CHD1: variants seen among roughly 807,000 people sequenced by gnomAD.
CHD1 encodes chromodomain helicase DNA binding protein 1.
CHD1 carries 36 observed loss-of-function variants against 224.2 expected under a neutral mutation model. The observed-to-expected ratio is 0.16, with a 90% CI of 0.12 to 0.21. The LOEUF (loss-of-function observed/expected upper bound fraction) is 0.21. Among genes scored for constraint, CHD1 ranks in the 10% least tolerant of loss-of-function variants. CHD1 has a pLI of 1.00. For missense variants in CHD1, 1,378 were observed against 1,994.8 expected (o/e 0.69, Z 5.89); for synonymous variants, 668 against 658.3 (o/e 1.01, Z -0.23).
At chr5:98,922,948 C>T (rs375796822) in intron 2 of CHD1, among the ~76,000 whole-genome samples, 3 of 151,996 alleles carry the variant, frequency 2.0e-5, no homozygotes, top group African/African-American at 4.8e-5. Flanking sequence ...GAGGTCATAC[C>T]GCTGCACTGC....
At chr5:98,897,155 C>G in intron 11 of CHD1, 38 bp downstream of exon 11, 1 of 1,588,656 alleles carries the variant, frequency 6.3e-7, no homozygotes, top group Non-Finnish European at 8.6e-7. Flanking sequence ...TAAATTCTTA[C>G]TCTGTCAAAT....
intron 32 of CHD1, among the ~76,000 whole-genome samples, chr5:98,861,501 G>A (rs1748463092): frequency 6.6e-6 from 1 of 152,106 alleles, no homozygotes; most frequent in Non-Finnish European, 1.5e-5. Context: ...AATGCCAACT[G>A]TTCTGTAATT....
chr5:98,886,090 G>T (rs545756163), intron 17 of CHD1: 1 of 154,590 alleles, frequency 6.5e-6, no homozygotes, highest in Admixed American at 6.5e-5. Context: ...TAAGTCCAGC[G>T]TGGTTACTAG....
intron 31 of CHD1, among the ~76,000 whole-genome samples, chr5:98,865,523 T>C (rs1255947175): frequency 6.6e-6 from 1 of 152,226 alleles, no homozygotes; most frequent in Admixed American, 6.5e-5. Context: ...ATCTATTTTA[T>C]AGAAGAAACT....
At chr5:98,908,318 T>C (rs1752177458) in intron 2 of CHD1, among the ~76,000 whole-genome samples, 1 of 152,162 alleles carries the variant, frequency 6.6e-6, no homozygotes, top group Non-Finnish European at 1.5e-5. Context: ...CTGCCAACTC[T>C]ATCCCAACCC....
At chr5:98,928,219 G>A (rs955502398) in intron 1 of CHD1, among the ~76,000 whole-genome samples, 2 of 151,748 alleles carry the variant, frequency 1.3e-5, no homozygotes, top group Non-Finnish European at 2.9e-5. Context: ...GGGAGCCCGG[G>A]TCGCGGCAGG....
rs1753461682 is a variant in CHD1 at position 98,926,432 on chromosome 5, C to T, written c.-46G>A. ...TTTTAAAGTAAAATATAAATCTTCCCAGTTTAAAAGATGAATATAAATACT... is the reference window on the plus strand; with the variant it reads ...TTTTAAAGTAAAATATAAATCTTCCTAGTTTAAAAGATGAATATAAATACT... On this transcript the variant is annotated 5_prime_UTR_variant, in exon 2 of 36. Coordinates refer to ENST00000614616, the MANE Select transcript of CHD1 (RefSeq NM_001270.4). 9.3e-7 allele frequency: 1 copy of T among 1,080,636 alleles called. No homozygotes were observed. The highest frequency in any genetic ancestry group is 1.3e-6 in the Non-Finnish European group (1 of 760,698). 66.9% of individuals were successfully genotyped at this position (1,080,636 alleles called of 1,614,324 possible). A position where few individuals can be genotyped will look rare whatever the true frequency, so the allele number is the denominator to read the frequency against.
chr5:98,872,521 G>A lies in CHD1; in HGVS notation c.3606C>T (p.Phe1202=). The A allele has an allele frequency of 6.2e-7, 1 of 1,613,398 alleles. No individual in the cohort carries two copies. ...GRLGKVKGPT[F]RISGVQVNAK... ...CATTCACCTGTACTCCTGATATTCGGAATGTTGGACCCTTCACTTTTCCGA... is the reference window on the plus strand; with the variant it reads ...CATTCACCTGTACTCCTGATATTCGAAATGTTGGACCCTTCACTTTTCCGA... The change falls in exon 27 of 36, where the codon TTC becomes TTT. Residue 1202 remains phenylalanine, a synonymous_variant. Transcript: ENST00000614616.
rs1751946955 is a variant in CHD1 at position 98,904,854 on chromosome 5, T to C, written c.255+43A>G. On this transcript the variant is annotated intron_variant, in intron 3 of 35. Coordinates refer to ENST00000614616, the MANE Select transcript of CHD1 (RefSeq NM_001270.4). ...ACCAATCCTCTAAATTTTCCCAAAG[T>C]AATACAAGCAATCTACCTTTCATTG... 4 of 1,573,044 alleles carry C rather than the reference T, an allele frequency of 2.5e-6. No individual in the cohort carries two copies. In the South Asian group the frequency reaches 4.4e-5, roughly 17 times the overall value.
In CHD1 at chr5:98,869,937, T is replaced by G; in HGVS notation, c.3979-55A>C. ...TTCTACAGATTTCATTTTTAAAAACTTCATAAACATTAAATCCAAGGGCTA... is the reference window on the plus strand; with the variant it reads ...TTCTACAGATTTCATTTTTAAAAACGTCATAAACATTAAATCCAAGGGCTA... On this transcript the variant is annotated intron_variant, in intron 29 of 35. Transcript: ENST00000614616. 3 of 1,337,346 alleles carry G rather than the reference T, an allele frequency of 2.2e-6. 1 individual carries two copies. In the South Asian group the frequency reaches 3.8e-5, roughly 17 times the overall value. 82.8% of individuals were successfully genotyped at this position (1,337,346 alleles called of 1,614,324 possible).
intron 15 of CHD1, 31 bp from the exon 16 acceptor site, chr5:98,889,269 T>C (rs1308629648): frequency 1.4e-6 from 2 of 1,472,652 alleles, no homozygotes; most frequent in Non-Finnish European, 1.8e-6. Flanking sequence ...AAACGATGTT[T>C]AGCAGAACAA....
At chr5:98,865,152 T>C (rs372904073) in intron 31 of CHD1, among the ~76,000 whole-genome samples, 12 of 152,212 alleles carry the variant, frequency 7.9e-5, no homozygotes, top group South Asian at 6.2e-4. Context: ...CTAAAGAAAA[T>C]GAAGGAGCAA....
intron 2 of CHD1, among the ~76,000 whole-genome samples, chr5:98,916,666 T>C (rs774185175): frequency 6.6e-6 from 1 of 152,134 alleles, no homozygotes; most frequent in Non-Finnish European, 1.5e-5. Flanking sequence ...ACAAAATTAT[T>C]TGTTATGTGG....
chr5:98,916,022 G>A (rs951728157), intron 2 of CHD1, among the ~76,000 whole-genome samples: 10 of 151,972 alleles, frequency 6.6e-5, no homozygotes, highest in South Asian at 2.1e-4. Context: ...GTGAAACCCC[G>A]TCCTAACTAA....
intron 3 of CHD1, among the ~76,000 whole-genome samples, chr5:98,904,401 G>A (rs577997189): frequency 6.6e-6 from 1 of 152,236 alleles, no homozygotes; most frequent in African/African-American, 2.4e-5. Flanking sequence ...ATACTACCAC[G>A]AAGTATAGAC....
intron 2 of CHD1, among the ~76,000 whole-genome samples, chr5:98,914,496 T>C (rs905561367): frequency 6.6e-6 from 1 of 151,766 alleles, no homozygotes; most frequent in East Asian, 1.9e-4. Flanking sequence ...CTAGAGTTTC[T>C]ATTGGGAACA....
chr5:98,880,149 G>A lies in CHD1; in HGVS notation c.3061-421C>T, dbSNP rs138568245. Among the ~76,000 whole-genome samples the A allele has an allele frequency of 1.9e-3, 287 of 152,318 alleles. 1 individual carries two copies. The highest frequency in any genetic ancestry group is 6.4e-3 in the African/African-American group (264 of 41,574). ...AAAGAGCTACTGGCAGAGACATAGA[G>A]CTCTTTGAGAGCACACTAATTTCTG... On this transcript the variant is annotated intron_variant, in intron 22 of 35. Coordinates refer to ENST00000614616, the MANE Select transcript of CHD1 (RefSeq NM_001270.4).
At chr5:98,908,044 T>C (rs1297385910) in intron 2 of CHD1, among the ~76,000 whole-genome samples, 1 of 152,200 alleles carries the variant, frequency 6.6e-6, no homozygotes, top group African/African-American at 2.4e-5. Flanking sequence ...AAAAAGCTGA[T>C]GGTGGCCTTT....
intron 22 of CHD1, 101 bp from the exon 23 acceptor site, chr5:98,879,829 C>A: frequency 1.4e-6 from 1 of 696,266 alleles, no homozygotes. Context: ...GGATAATGAA[C>A]ATGGCTGTGG....
Sources: allele counts gnomAD v4.1 joint callset (sites outside exome capture counted in the v4.1 genomes callset), GRCh38; gene constraint gnomAD v4.1.1; transcripts MANE v1.5; gene names NCBI Gene and HGNC (gene_info 2026-07-23, HGNC 2026-07-21).